LSAMP: variants seen among roughly 807,000 people sequenced by gnomAD.
The protein encoded by LSAMP is limbic system-associated membrane protein.
LSAMP carries 7 observed loss-of-function variants against 38.6 expected under a neutral mutation model. The ratio of observed to expected loss-of-function variants is 0.18; its 90% CI spans 0.10 to 0.34. The LOEUF (loss-of-function observed/expected upper bound fraction) is 0.34, where lower values mean the gene tolerates loss of function less well. LSAMP is among the 10% of genes least tolerant of loss of function. The pLI is 1.00. For missense variants in LSAMP, 313 were observed against 420.0 expected (o/e 0.75, Z 2.23); for synonymous variants, 154 against 166.8 (o/e 0.92, Z 0.59).
intron 1 of LSAMP, among the ~76,000 whole-genome samples, chr3:116,405,688 T>A (rs2048889502): frequency 6.6e-6 from 1 of 151,918 alleles, no homozygotes; most frequent in Non-Finnish European, 1.5e-5. Context: ...TTTTAATGAG[T>A]CTCATGAATA....
rs916133913 is a variant in LSAMP, at chr3:115,819,349, C to T, written c.920-8935G>A. ...ACTTGGGAGGCGGAGGCAGGAGAAT[C>T]GCTTGAACCTGGAGGGTGGAGATTG... On this transcript the variant is annotated intron_variant, in intron 6 of 6. Coordinates refer to ENST00000490035, the MANE Select transcript of LSAMP (RefSeq NM_002338.5). Among the ~76,000 whole-genome samples the T allele has an allele frequency of 3.3e-5, 5 of 151,856 alleles. No homozygotes were observed. The East Asian group carries it at 5.8e-4, about 18-fold the overall frequency.
At chr3:115,843,819 A>G in intron 4 of LSAMP, among the ~76,000 whole-genome samples, 1 of 152,164 alleles carries the variant, frequency 6.6e-6, no homozygotes, top group South Asian at 2.1e-4. Flanking sequence ...TTATCTTCCC[A>G]TAAGCTTAGA....
At chr3:115,941,718 G>T (rs966876510) in intron 3 of LSAMP, among the ~76,000 whole-genome samples, 1 of 152,102 alleles carries the variant, frequency 6.6e-6, no homozygotes, top group African/African-American at 2.4e-5. Flanking sequence ...AATACTGTAC[G>T]TTCTCACTTA....
At chr3:116,428,732 A>C (rs528768963) in intron 1 of LSAMP, among the ~76,000 whole-genome samples, 71 of 152,262 alleles carry the variant, frequency 4.7e-4, no homozygotes, top group Non-Finnish European at 8.2e-4. Flanking sequence ...GTGAAACTGT[A>C]CTTTATTTTC....
At chr3:116,429,298 C>A (rs1160352952) in intron 1 of LSAMP, among the ~76,000 whole-genome samples, 4 of 152,124 alleles carry the variant, frequency 2.6e-5, no homozygotes, top group Admixed American at 6.5e-5. Flanking sequence ...GTGAACCATG[C>A]ATACAAATAG....
intron 1 of LSAMP, among the ~76,000 whole-genome samples, chr3:116,255,557 T>C (rs2046739503): frequency 1.3e-5 from 2 of 152,210 alleles, no homozygotes; most frequent in African/African-American, 4.8e-5. Context: ...AGCATTTAAC[T>C]TTAGCTGGAG....
chr3:115,818,383 A>G (rs1453611725), intron 6 of LSAMP, among the ~76,000 whole-genome samples: 1 of 152,130 alleles, frequency 6.6e-6, no homozygotes, highest in Non-Finnish European at 1.5e-5. Context: ...CACTAAGTTT[A>G]TGGTACACAG....
At chr3:116,213,719 A>G (rs1310105181) in intron 1 of LSAMP, among the ~76,000 whole-genome samples, 1 of 152,244 alleles carries the variant, frequency 6.6e-6, no homozygotes, top group Non-Finnish European at 1.5e-5. Flanking sequence ...ATGGAATACT[A>G]TTCAGCCTTA....
At position 116,064,190 on chromosome 3, in the gene LSAMP, A is replaced by C. The variant is rs569779574; in HGVS notation, c.388+22134T>G. Among the ~76,000 whole-genome samples the C allele has an allele frequency of 1.6e-4, 24 of 152,346 alleles. No homozygotes were observed. The East Asian group carries it at 4.6e-3, about 29-fold the overall frequency. On this transcript the variant is annotated intron_variant, in intron 2 of 6. Transcript: ENST00000490035. ...GCAAGATAAATATAAAAGCTTTCAG[A>C]AACACAGAAAATGATTTTGTACCGT...
At chr3:115,934,268 T>G (rs1229351726) in intron 3 of LSAMP, among the ~76,000 whole-genome samples, 3 of 151,852 alleles carry the variant, frequency 2.0e-5, no homozygotes, top group African/African-American at 7.3e-5. Context: ...AACCTCCGCC[T>G]CCCTAGTTCA....
intron 3 of LSAMP, among the ~76,000 whole-genome samples, chr3:116,003,981 C>T (rs976363912): frequency 6.6e-6 from 1 of 152,106 alleles, no homozygotes; most frequent in African/African-American, 2.4e-5. Context: ...AATACACAGA[C>T]GTAGTTAGTT....
intron 1 of LSAMP, among the ~76,000 whole-genome samples, chr3:116,356,009 A>C (rs2048218272): frequency 6.6e-6 from 1 of 152,230 alleles, no homozygotes; most frequent in African/African-American, 2.4e-5. Context: ...ACTATGGAGA[A>C]TAGTTCAGAG....
chr3:116,135,903 G>C (rs73140912), intron 1 of LSAMP, among the ~76,000 whole-genome samples: 1 of 152,056 alleles, frequency 6.6e-6, no homozygotes, highest in African/African-American at 2.4e-5. Flanking sequence ...CCTGATTGAT[G>C]AGGCTAATAA....
chr3:116,240,872 T>G (rs1451812892), intron 1 of LSAMP, among the ~76,000 whole-genome samples: 2 of 152,180 alleles, frequency 1.3e-5, no homozygotes, highest in Non-Finnish European at 2.9e-5. Context: ...TTTCTAAAAT[T>G]TATTTTCCTT....
intron 3 of LSAMP, among the ~76,000 whole-genome samples, chr3:115,873,879 T>C (rs1276741532): frequency 1.3e-5 from 2 of 152,092 alleles, no homozygotes; most frequent in Non-Finnish European, 2.9e-5. Flanking sequence ...TGCTTCCCAT[T>C]TGTTCCCTCT....
intron 1 of LSAMP, among the ~76,000 whole-genome samples, chr3:116,160,126 A>T (rs1709848890): frequency 1.3e-5 from 2 of 152,132 alleles, no homozygotes; most frequent in African/African-American, 4.8e-5. Context: ...CCGGCTGGGC[A>T]CGGTGGCTCA....
chr3:115,989,912 G>A (rs1255025023), intron 3 of LSAMP, among the ~76,000 whole-genome samples: 1 of 151,992 alleles, frequency 6.6e-6, no homozygotes, highest in Non-Finnish European at 1.5e-5. Flanking sequence ...GATGTTAGAG[G>A]CACCTGACAC....
chr3:116,008,903 T>C (rs186890035), intron 3 of LSAMP, among the ~76,000 whole-genome samples: 10 of 152,256 alleles, frequency 6.6e-5, no homozygotes, highest in Non-Finnish European at 1.5e-4. Flanking sequence ...TTTCATCCAG[T>C]GGGTCAGGGA....
At chr3:115,907,857 A>G (rs1044585953) in intron 3 of LSAMP, among the ~76,000 whole-genome samples, 3 of 152,168 alleles carry the variant, frequency 2.0e-5, no homozygotes, top group African/African-American at 7.2e-5. Context: ...AAAATGTGAC[A>G]TCATTTAGGG....
Sources: allele counts gnomAD v4.1 joint callset (sites outside exome capture counted in the v4.1 genomes callset), GRCh38; gene constraint gnomAD v4.1.1; transcripts MANE v1.5; gene names NCBI Gene and HGNC (gene_info 2026-07-23, HGNC 2026-07-21).